Variants in PRDM5 observed in about 807,000 individuals in gnomAD.
The protein encoded by PRDM5 is PR domain zinc finger protein 5.
Under a neutral mutation model 81.2 loss-of-function variants are expected in PRDM5, and 56 were observed. That is an observed-to-expected ratio of 0.69 (90% CI 0.56 to 0.86). PRDM5 has a LOEUF of 0.86. PRDM5 is among the 40% of genes least tolerant of loss of function. The pLI is 0.00. For synonymous variants in PRDM5, 267 were observed against 256.4 expected (o/e 1.04, Z -0.39); for missense variants, 697 against 770.1 (o/e 0.91, Z 1.12).
chr4:120,756,212 T>G (rs1192161997), intron 13 of PRDM5, among the ~76,000 whole-genome samples: 5 of 152,190 alleles, frequency 3.3e-5, no homozygotes, highest in African/African-American at 7.2e-5. Context: ...AGATCTCTAT[T>G]GAGCCCCAAT....
At chr4:120,804,119 G>C (rs540566292) in intron 8 of PRDM5, among the ~76,000 whole-genome samples, 2 of 152,278 alleles carry the variant, frequency 1.3e-5, no homozygotes, top group African/African-American at 4.8e-5. Context: ...ATTACATAAC[G>C]ATAAAGGGAT....
intron 12 of PRDM5, among the ~76,000 whole-genome samples, chr4:120,780,601 C>CA (rs1748899185): frequency 6.6e-6 from 1 of 152,006 alleles, no homozygotes; most frequent in Admixed American, 6.6e-5. Flanking sequence ...AAGACACACA[C>CA]AAAAAAATCT....
At chr4:120,796,971 T>C (rs965780427) in intron 10 of PRDM5, among the ~76,000 whole-genome samples, 7 of 152,212 alleles carry the variant, frequency 4.6e-5, no homozygotes, top group Non-Finnish European at 1.0e-4. Flanking sequence ...AAAATGTTTT[T>C]ACATGCATTT....
chr4:120,868,355 A>G (rs1761431611), intron 2 of PRDM5, among the ~76,000 whole-genome samples: 1 of 152,210 alleles, frequency 6.6e-6, no homozygotes, highest in African/African-American at 2.4e-5. Context: ...AACTAAATGT[A>G]TAAATAGTAA....
chr4:120,882,376 G>A (rs1159480470), intron 2 of PRDM5, among the ~76,000 whole-genome samples: 2 of 152,244 alleles, frequency 1.3e-5, no homozygotes, highest in East Asian at 3.9e-4. Context: ...TCGAACTCCT[G>A]ACCTCAGGTG....
At position 120,694,666 on chromosome 4, in the gene PRDM5, T is replaced by C. The variant is rs1474221049; in HGVS notation, c.*445A>G. On this transcript the variant is annotated 3_prime_UTR_variant, in exon 16 of 16. Transcript: ENST00000264808. ...AGTTGGATATCTTGATTTATTTCTA[T>C]TTAAATTGGTAAAACCAGCTGCAAC... 6.2e-6 allele frequency: 1 copy of C among 161,266 alleles called. No individual in the cohort carries two copies. Among genetic ancestry groups the C allele is most frequent in the Non-Finnish European group, 1.4e-5 (1 of 72,922 alleles). The allele number at this position is 161,266 out of a possible 1,614,324, so 10.0% of individuals were successfully genotyped here.
chr4:120,839,187 G>A (rs895622936), intron 3 of PRDM5: 8 of 699,484 alleles, frequency 1.1e-5, no homozygotes, highest in East Asian at 5.4e-5. Context: ...CTCTTCACTC[G>A]CAATGTGGCA....
intron 11 of PRDM5, among the ~76,000 whole-genome samples, chr4:120,782,033 T>C (rs768021108): frequency 2.0e-5 from 3 of 151,640 alleles, no homozygotes; most frequent in East Asian, 1.9e-4. Flanking sequence ...AGAAAACATA[T>C]ATAGAAATCT....
chr4:120,699,321 T>C (rs1265558238), intron 15 of PRDM5, among the ~76,000 whole-genome samples: 1 of 151,362 alleles, frequency 6.6e-6, no homozygotes, highest in African/African-American at 2.4e-5. Context: ...TGCTTTCTTT[T>C]TGTTATCTTG....
downstream of PRDM5, among the ~76,000 whole-genome samples, chr4:120,690,575 A>G (rs550190541): frequency 2.0e-5 from 3 of 152,314 alleles, no homozygotes; most frequent in Admixed American, 6.5e-5. Flanking sequence ...CCAGTCAAAC[A>G]TTAAAGAAAA....
intron 14 of PRDM5, among the ~76,000 whole-genome samples, chr4:120,737,439 T>C (rs1230380655): frequency 2.0e-5 from 3 of 152,134 alleles, no homozygotes; most frequent in Admixed American, 2.0e-4. Flanking sequence ...TGCCAAAGAC[T>C]CCAGGACCTC....
chr4:120,806,008 T>A (rs139945470), intron 8 of PRDM5, among the ~76,000 whole-genome samples: 30,156 of 152,138 alleles, frequency 0.2, 3,650 homozygotes, highest in Non-Finnish European at 0.28. Flanking sequence ...AGTCTCAGGA[T>A]ACAAAATCAA....
chr4:120,922,545 C>G lies in PRDM5; in HGVS notation c.64G>C (p.Gly22Arg). The G allele has an allele frequency of 6.2e-7, 1 of 1,610,974 alleles. No homozygotes were observed. The highest frequency in any genetic ancestry group is 8.5e-7 in the Non-Finnish European group (1 of 1,179,044). Reference sequence around the variant, plus strand: ...CGCACTCTGCGGGCCGTGTAGAGCCCCATGCCGTCCTGAACCCGGGAGGAC... The same window carrying G: ...CGCACTCTGCGGGCCGTGTAGAGCCGCATGCCGTCCTGAACCCGGGAGGAC... ...LKSSRVQDGMGLYTARRVRKG... is the reference protein window; with the variant it reads ...LKSSRVQDGMRLYTARRVRKG... The change falls in exon 1 of 16, where the codon GGG becomes CGG. Residue 22 changes from glycine (G) to arginine (R), a missense_variant. By Grantham distance (125) the Gly-to-Arg change is moderately radical. Transcript: ENST00000264808.
intron 10 of PRDM5, among the ~76,000 whole-genome samples, chr4:120,793,490 C>T (rs898418428): frequency 1.3e-5 from 2 of 152,200 alleles, no homozygotes; most frequent in African/African-American, 4.8e-5. Context: ...CTGCCCAACA[C>T]TGGTCCATGG....
At position 120,758,056 on chromosome 4, in the gene PRDM5, C is replaced by T. The variant is rs888862975; in HGVS notation, c.1538-3418G>A. Among the ~76,000 whole-genome samples, 13 of 152,100 alleles carry T rather than the reference C, an allele frequency of 8.5e-5. 1 individual carries two copies. The highest frequency in any genetic ancestry group is 3.3e-4 in the Admixed American group (5 of 15,274). Reference sequence around the variant, plus strand: ...TGCTCCTGGTTTTCAGGCCTTTGCTCTTGGACTGACTTACATCATTGGCTC... The same window carrying T: ...TGCTCCTGGTTTTCAGGCCTTTGCTTTTGGACTGACTTACATCATTGGCTC... On this transcript the variant is annotated intron_variant, in intron 13 of 15. Coordinates refer to ENST00000264808, the MANE Select transcript of PRDM5 (RefSeq NM_018699.4).
intron 2 of PRDM5, among the ~76,000 whole-genome samples, chr4:120,859,538 C>T (rs938679310): frequency 6.6e-6 from 1 of 152,058 alleles, no homozygotes; most frequent in African/African-American, 2.4e-5. Flanking sequence ...TCAGCTTTTT[C>T]AAGGAACAAA....
At chr4:120,791,171 G>T (rs1342729492) in intron 10 of PRDM5, among the ~76,000 whole-genome samples, 1 of 152,120 alleles carries the variant, frequency 6.6e-6, no homozygotes, top group African/African-American at 2.4e-5. Flanking sequence ...ATTTGACCCA[G>T]AAATTCCACA....
chr4:120,764,222 T>C (rs1746050000), intron 13 of PRDM5, among the ~76,000 whole-genome samples: 1 of 152,090 alleles, frequency 6.6e-6, no homozygotes. Context: ...GACTCCAGTA[T>C]ATAAAAAAAA....
Position 120,816,565 on chromosome 4 carries a change from C to A in PRDM5, c.753G>T (p.Gln251His). 6 of 1,614,078 alleles carry A rather than the reference C, an allele frequency of 3.7e-6. No homozygotes were observed. Among genetic ancestry groups the A allele is most frequent in the Non-Finnish European group, 5.1e-6 (6 of 1,179,994 alleles). The change falls in exon 7 of 16, where the codon CAG becomes CAT. Residue 251 changes from glutamine to histidine, a missense_variant. Physicochemically the swap from Gln to His is conservative, Grantham distance 24. Coordinates refer to ENST00000264808, the MANE Select transcript of PRDM5 (RefSeq NM_018699.4). ...CATCCCCCCGGCAAGTCTCCTGGTG[C>A]TGCTCAAAACTACAAGACAACCAGC... is the stretch of plus-strand genomic sequence containing the variant. The part of the protein sequence containing the change: ...SSFSSASSFE[Q>H]HQETCRGDAR...
Sources: gnomAD v4.1 joint callset for allele counts (sites outside exome capture counted in the v4.1 genomes callset) on GRCh38, gnomAD v4.1.1 for gene constraint, MANE v1.5 for transcripts, NCBI Gene and HGNC (gene_info 2026-07-23, HGNC 2026-07-21) for gene names.